The following CNTN4 variants were observed in gnomAD, a reference collection of about 807,000 sequenced individuals.
CNTN4 encodes contactin 4.
In CNTN4, 77 loss-of-function variants were observed where a neutral mutation model predicts 122.5. The ratio of observed to expected loss-of-function variants is 0.63; its 90% CI spans 0.52 to 0.76. The LOEUF (loss-of-function observed/expected upper bound fraction) is 0.76, where lower values mean the gene tolerates loss of function less well. Ranked by LOEUF, CNTN4 falls within the 30% of genes least tolerant of loss-of-function variation. The pLI is 0.00. For missense variants in CNTN4, 1,256 were observed against 1,259.1 expected (o/e 1.00, Z 0.04); for synonymous variants, 512 against 447.0 (o/e 1.15, Z -1.83).
intron 2 of CNTN4, among the ~76,000 whole-genome samples, chr3:2,136,844 T>A (rs1195860584): frequency 6.6e-6 from 1 of 152,212 alleles, no homozygotes; most frequent in Non-Finnish European, 1.5e-5. Context: ...TTATAATGTC[T>A]GTTCTTATCC....
chr3:2,473,264 A>G (rs549911966), intron 3 of CNTN4, among the ~76,000 whole-genome samples: 1 of 149,306 alleles, frequency 6.7e-6, no homozygotes, highest in African/African-American at 2.5e-5. Flanking sequence ...ACCTGCCAGC[A>G]TTACTCTCCT....
intron 4 of CNTN4, among the ~76,000 whole-genome samples, chr3:2,692,491 A>G (rs2085795701): frequency 6.6e-6 from 1 of 152,004 alleles, no homozygotes; most frequent in East Asian, 1.9e-4. Context: ...GATCTTTTCT[A>G]TTTTTCCTTT....
intron 13 of CNTN4, among the ~76,000 whole-genome samples, chr3:2,948,235 G>T (rs913852578): frequency 3.3e-5 from 5 of 152,142 alleles, no homozygotes; most frequent in Admixed American, 6.6e-5. Context: ...TGGCGGTAGC[G>T]TTCCCAGTTG....
rs2087006030 is a variant in CNTN4 at position 2,709,785 on chromosome 3, A to G, written c.56-26430A>G. Among the ~76,000 whole-genome samples the G allele has an allele frequency of 6.6e-6, 1 of 151,860 alleles. No homozygotes were observed. The highest frequency in any genetic ancestry group is 1.5e-5 in the Non-Finnish European group (1 of 67,954). On this transcript the variant is annotated intron_variant, in intron 4 of 24. Transcript: ENST00000418658. This position sits in a 1 kb window ranked among gnomAD's most constrained non-coding sequence, Gnocchi z 5.0. ...AAAAATTAGCCAGGCGTGGTGGTGC[A>G]CACCTGTAGTCCCAGCTACTTGGGA... is the stretch of plus-strand genomic sequence containing the variant.
intron 3 of CNTN4, among the ~76,000 whole-genome samples, chr3:2,556,483 C>T (rs1023572441): frequency 6.6e-6 from 1 of 152,124 alleles, no homozygotes; most frequent in East Asian, 1.9e-4. Flanking sequence ...GTCTGACACA[C>T]TGAAGCACTT....
At chr3:2,428,030 G>T (rs1016597837) in intron 3 of CNTN4, among the ~76,000 whole-genome samples, 2 of 152,062 alleles carry the variant, frequency 1.3e-5, no homozygotes, top group Non-Finnish European at 2.9e-5. Flanking sequence ...TATCCAATTT[G>T]CCAGTCTGTG....
At chr3:2,736,972 C>T (rs1273876956) in intron 5 of CNTN4, among the ~76,000 whole-genome samples, 1 of 151,068 alleles carries the variant, frequency 6.6e-6, no homozygotes, top group Non-Finnish European at 1.5e-5. Context: ...TTAGCAGAGA[C>T]AGGATTTCAT....
chr3:2,256,486 A>C (rs74578164), intron 2 of CNTN4, among the ~76,000 whole-genome samples: 2 of 152,126 alleles, frequency 1.3e-5, no homozygotes, highest in East Asian at 3.9e-4. Flanking sequence ...GAGACACAAC[A>C]AAAAAAGAAA....
chr3:2,659,480 A>AG (rs1008991297), intron 4 of CNTN4, among the ~76,000 whole-genome samples: 6 of 132,534 alleles, frequency 4.5e-5, no homozygotes, highest in Admixed American at 8.3e-5. Flanking sequence ...AAAAAAAAAA[A>AG]AAGAAGAAGA....
At chr3:2,415,647 C>T (rs1313567215) in intron 3 of CNTN4, among the ~76,000 whole-genome samples, 1 of 152,142 alleles carries the variant, frequency 6.6e-6, no homozygotes, top group African/African-American at 2.4e-5. Context: ...TGGCTTTGGT[C>T]TGCTAATTTC....
chr3:2,211,218 C>T (rs1181486242), intron 2 of CNTN4, among the ~76,000 whole-genome samples: 1 of 151,940 alleles, frequency 6.6e-6, no homozygotes, highest in Non-Finnish European at 1.5e-5. Flanking sequence ...GCGCCACACA[C>T]TTTTAAATGA....
At chr3:2,297,338 C>T (rs1231409293) in intron 2 of CNTN4, among the ~76,000 whole-genome samples, 1 of 152,136 alleles carries the variant, frequency 6.6e-6, no homozygotes, top group African/African-American at 2.4e-5. Flanking sequence ...ATACATCATA[C>T]TGTTGAATAT....
chr3:2,336,092 A>G (rs1199178646), intron 2 of CNTN4, among the ~76,000 whole-genome samples: 3 of 152,128 alleles, frequency 2.0e-5, no homozygotes, highest in African/African-American at 7.2e-5. Context: ...TGCTAAAGAC[A>G]TGTGCTGAGT....
At chr3:2,359,537 A>ATTTTG (rs940026130) in intron 3 of CNTN4, among the ~76,000 whole-genome samples, 1 of 151,922 alleles carries the variant, frequency 6.6e-6, no homozygotes, top group African/African-American at 2.4e-5. Flanking sequence ...TGTATATATG[A>ATTTTG]TTTTGTTTTG....
intron 4 of CNTN4, among the ~76,000 whole-genome samples, chr3:2,620,004 T>A (rs1015441842): frequency 1.2e-4 from 3 of 24,770 alleles, no homozygotes; most frequent in Admixed American, 5.8e-4. Flanking sequence ...TCTCTTCAAA[T>A]ATGTACCCAA....
Position 2,989,068 on chromosome 3 carries a change from C to G in CNTN4, c.1486+596C>G, listed in dbSNP as rs569367445. On this transcript the variant is annotated intron_variant, in intron 14 of 24. Coordinates refer to ENST00000418658, the MANE Select transcript of CNTN4 (RefSeq NM_175607.3). Reference sequence around the variant, plus strand: ...TTTGTAGCAGAAAGTCCTTTATGCTCTTAGCAAAGCACGTGAGTGAAACTA... The same window carrying G: ...TTTGTAGCAGAAAGTCCTTTATGCTGTTAGCAAAGCACGTGAGTGAAACTA... The G allele has an allele frequency of 4.6e-5, 7 of 153,650 alleles. No homozygotes were observed. In the East Asian group the frequency reaches 1.3e-3, roughly 30 times the overall value. The allele number at this position is 153,650 out of a possible 1,614,324, so 9.5% of individuals were successfully genotyped here.
intron 14 of CNTN4, among the ~76,000 whole-genome samples, chr3:2,993,909 A>G (rs1499126): frequency 0.091 from 13,802 of 152,220 alleles, 1,354 homozygotes; most frequent in African/African-American, 0.24. Flanking sequence ...GTATCCAAAC[A>G]GTTGACTTTA....
intron 3 of CNTN4, among the ~76,000 whole-genome samples, chr3:2,491,221 A>G (rs2151667358): frequency 6.6e-6 from 1 of 152,316 alleles, no homozygotes; most frequent in Non-Finnish European, 1.5e-5. Context: ...CTTATTGTGA[A>G]CAAATTCACC....
intron 3 of CNTN4, among the ~76,000 whole-genome samples, chr3:2,495,545 A>G (rs2151701989): frequency 6.6e-6 from 1 of 152,318 alleles, no homozygotes; most frequent in Middle Eastern, 3.4e-3. Flanking sequence ...CCTGTTAGGA[A>G]CCTGGCTGCA....
Sources: gnomAD v4.1 joint callset for allele counts (sites outside exome capture counted in the v4.1 genomes callset) on GRCh38, gnomAD v4.1.1 for gene constraint, Gnocchi (gnomAD v3.1) non-coding constraint, MANE v1.5 for transcripts, NCBI Gene and HGNC (gene_info 2026-07-23, HGNC 2026-07-21) for gene names.